Variants in NRXN3 observed in about 807,000 individuals in gnomAD.
The protein encoded by NRXN3 is neurexin III.
NRXN3 carries 32 observed loss-of-function variants against 137.6 expected under a neutral mutation model. The ratio of observed to expected loss-of-function variants is 0.23; its 90% CI spans 0.18 to 0.31. NRXN3 has a LOEUF of 0.31. Among genes scored for constraint, NRXN3 ranks in the 10% least tolerant of loss-of-function variants. The pLI is 1.00. For synonymous variants in NRXN3, 798 were observed against 784.5 expected, an observed-to-expected ratio of 1.02 and a Z score of -0.29; for missense variants, 1,574 against 2,062.5, an observed-to-expected ratio of 0.76 and a Z score of 4.59.
At chr14:79,301,619 C>T (rs1417935963) in intron 15 of NRXN3, among the ~76,000 whole-genome samples, 1 of 151,946 alleles carries the variant, frequency 6.6e-6, no homozygotes. Context: ...CACATCATCC[C>T]TTGGAGGTGA....
rs149615724 is a variant in NRXN3, at chr14:78,471,071, T to A, written c.757+173211T>A. Among the ~76,000 whole-genome samples the A allele has an allele frequency of 6.3e-3, 952 of 152,262 alleles. 18 individuals are homozygous for A. Among genetic ancestry groups the A allele is most frequent in the African/African-American group, 0.022 (909 of 41,534 alleles). On this transcript the variant is annotated intron_variant, in intron 4 of 20. Transcript: ENST00000335750. ...CCTTCATTCTGAATGAGTGCTCTGA[T>A]GTGATTTGATGTAGAGTGGTTCTTT...
At chr14:78,479,729 T>C (rs1055853526) in intron 4 of NRXN3, among the ~76,000 whole-genome samples, 1 of 152,214 alleles carries the variant, frequency 6.6e-6, no homozygotes, top group Non-Finnish European at 1.5e-5. Context: ...TTTATATAAG[T>C]TGAATGTGTG....
At chr14:79,688,191 T>A (rs1373761638) in intron 17 of NRXN3, among the ~76,000 whole-genome samples, 1 of 152,148 alleles carries the variant, frequency 6.6e-6, no homozygotes, top group Non-Finnish European at 1.5e-5. Flanking sequence ...GTCATATTAA[T>A]AATGATAGTT....
chr14:78,863,925 G>A (rs2099079716), intron 10 of NRXN3, among the ~76,000 whole-genome samples: 1 of 151,960 alleles, frequency 6.6e-6, no homozygotes, highest in African/African-American at 2.4e-5. Flanking sequence ...TAAAATGTAG[G>A]TTCAAAGACA....
chr14:79,864,435 C>T lies in NRXN3; in HGVS notation c.*2471C>T, dbSNP rs1434440571. On this transcript the variant is annotated 3_prime_UTR_variant, in exon 21 of 21. Coordinates refer to ENST00000335750, the MANE Select transcript of NRXN3 (RefSeq NM_001330195.2). ...CTTCCCAAAACCTTGTATGCTGATG[C>T]ACTTTTATTTTCTTAACATTTGAGA... is the stretch of plus-strand genomic sequence containing the variant. 6.6e-6 allele frequency: 1 copy of T among 152,596 alleles called. No homozygotes were observed. The highest frequency in any genetic ancestry group is 1.5e-5 in the Non-Finnish European group (1 of 68,040). The allele number at this position is 152,596 out of a possible 1,614,324, so 9.5% of individuals were successfully genotyped here.
At chr14:79,180,657 T>C (rs1017195460) in intron 15 of NRXN3, among the ~76,000 whole-genome samples, 1 of 152,172 alleles carries the variant, frequency 6.6e-6, no homozygotes, top group African/African-American at 2.4e-5. Context: ...CTTGCTGAGT[T>C]TAGTTCATAT....
chr14:79,246,355 G>A (rs921679860), intron 15 of NRXN3, among the ~76,000 whole-genome samples: 12 of 152,262 alleles, frequency 7.9e-5, no homozygotes, highest in South Asian at 2.1e-4. Flanking sequence ...CACTCATGGA[G>A]CGATTACATG....
At chr14:78,254,372 T>C (rs1022594263) in intron 2 of NRXN3, among the ~76,000 whole-genome samples, 2 of 152,194 alleles carry the variant, frequency 1.3e-5, no homozygotes, top group African/African-American at 4.8e-5. Flanking sequence ...CTGGAAATCC[T>C]GAATTTCTCT....
chr14:78,588,029 A>C (rs79028242), intron 4 of NRXN3, among the ~76,000 whole-genome samples: 6 of 152,236 alleles, frequency 3.9e-5, no homozygotes, highest in African/African-American at 1.2e-4. Context: ...TACTCAAAGC[A>C]AGAATAAATC....
At chr14:78,905,963 G>A (rs2099214845) in intron 10 of NRXN3, among the ~76,000 whole-genome samples, 1 of 151,894 alleles carries the variant, frequency 6.6e-6, no homozygotes, top group African/African-American at 2.4e-5. Flanking sequence ...AAGTTTAAGG[G>A]CAGTGGCTAA....
At chr14:78,569,484 C>T (rs1462600025) in intron 4 of NRXN3, among the ~76,000 whole-genome samples, 4 of 151,886 alleles carry the variant, frequency 2.6e-5, no homozygotes, top group Non-Finnish European at 5.9e-5. Flanking sequence ...CAAGGGTGGT[C>T]TCAATCTCCT....
At chr14:78,612,885 T>C (rs980234356) in intron 4 of NRXN3, among the ~76,000 whole-genome samples, 16 of 151,594 alleles carry the variant, frequency 1.1e-4, no homozygotes, top group African/African-American at 3.9e-4. Flanking sequence ...AACCAGCTGC[T>C]AAAATTACAG....
At chr14:79,112,116 G>C (rs1211547233) in intron 15 of NRXN3, among the ~76,000 whole-genome samples, 2 of 152,160 alleles carry the variant, frequency 1.3e-5, no homozygotes, top group Non-Finnish European at 1.5e-5. Context: ...AATATGCTGA[G>C]TACATAAACA....
Position 79,859,063 on chromosome 14 carries a change from G to T in NRXN3, c.4094-2279G>T, listed in dbSNP as rs562628785. Among the ~76,000 whole-genome samples, 8 of 150,432 alleles carry T rather than the reference G, an allele frequency of 5.3e-5. No homozygotes were observed. The South Asian group carries it at 8.5e-4, about 16-fold the overall frequency. Reference sequence around the variant, plus strand: ...TTGGCAAATCTGCACAGATCATTTTGCTCAATAGTTTCAAACTCTGAGCAC... The same window carrying T: ...TTGGCAAATCTGCACAGATCATTTTTCTCAATAGTTTCAAACTCTGAGCAC... On this transcript the variant is annotated intron_variant, in intron 20 of 20. Transcript: ENST00000335750.
chr14:78,748,331 A>G (rs994158080), intron 8 of NRXN3, among the ~76,000 whole-genome samples: 5 of 140,964 alleles, frequency 3.5e-5, no homozygotes, highest in African/African-American at 1.3e-4. Flanking sequence ...TAAAGAGAAT[A>G]CTGTATTCAA....
intron 4 of NRXN3, among the ~76,000 whole-genome samples, chr14:78,393,967 T>C (rs2091119805): frequency 6.6e-6 from 1 of 152,040 alleles, no homozygotes; most frequent in Non-Finnish European, 1.5e-5. Flanking sequence ...CTTGCTGAAC[T>C]CACATATTGG....
intron 15 of NRXN3, among the ~76,000 whole-genome samples, chr14:79,028,710 A>C (rs1210131235): frequency 6.6e-6 from 1 of 152,128 alleles, no homozygotes; most frequent in African/African-American, 2.4e-5. Context: ...ATGGTTGGTT[A>C]GGATGTTGAC....
At chr14:78,310,767 T>C (rs1015980457) in intron 4 of NRXN3, among the ~76,000 whole-genome samples, 11 of 152,104 alleles carry the variant, frequency 7.2e-5, no homozygotes, top group African/African-American at 2.7e-4. Context: ...AGTACTGATG[T>C]TAGTGTTTGA....
At chr14:79,639,024 C>T (rs777612913) in intron 16 of NRXN3, among the ~76,000 whole-genome samples, 2 of 152,058 alleles carry the variant, frequency 1.3e-5, no homozygotes, top group African/African-American at 2.4e-5. Context: ...CTCTGTAATA[C>T]GGTTCTATGT....
Sources: gnomAD v4.1 joint callset for allele counts (sites outside exome capture counted in the v4.1 genomes callset) on GRCh38, gnomAD v4.1.1 for gene constraint, MANE v1.5 for transcripts, NCBI Gene and HGNC (gene_info 2026-07-23, HGNC 2026-07-21) for gene names.